The following RORB variants were observed in gnomAD, a reference collection of about 807,000 sequenced individuals.
RORB encodes the protein RAR related orphan receptor B, also known as nuclear receptor ROR-beta.
In RORB, 6 loss-of-function variants were observed where a neutral mutation model predicts 59.1. The ratio of observed to expected loss-of-function variants is 0.10; its 90% CI spans 0.06 to 0.20. The LOEUF (loss-of-function observed/expected upper bound fraction) is 0.20. Ranked by LOEUF, RORB falls within the 10% of genes least tolerant of loss-of-function variation. The pLI is 1.00. For missense variants in RORB, 320 were observed against 560.5 expected, an observed-to-expected ratio of 0.57 and a Z score of 4.33; for synonymous variants, 215 against 204.5, an observed-to-expected ratio of 1.05 and a Z score of -0.44.
chr9:74,615,307 G>T (rs62569143), intron 1 of RORB, among the ~76,000 whole-genome samples: 1 of 152,018 alleles, frequency 6.6e-6, no homozygotes, highest in Admixed American at 6.6e-5. Flanking sequence ...TAATTTGGGG[G>T]TGGGAACATC....
At chr9:74,647,134 G>C (rs925230787) in intron 4 of RORB, among the ~76,000 whole-genome samples, 2 of 152,196 alleles carry the variant, frequency 1.3e-5, no homozygotes, top group African/African-American at 4.8e-5. Context: ...ACTGGGTTTA[G>C]CTGGAATTTT....
At position 74,629,951 on chromosome 9, in the gene RORB, G is replaced by A. The variant is rs375170054; in HGVS notation, c.8-331G>A. 6.1e-3 allele frequency among the ~76,000 whole-genome samples: 933 copies of A among 152,290 alleles called. 14 individuals are homozygous for A. The highest frequency in any genetic ancestry group is 0.022 in the African/African-American group (896 of 41,556). ...AGTGCAAAATAAGAAAAGAAAAGCC[G>A]TGGGTTCAAAGGCTTTTTGAGTCCC... On this transcript the variant is annotated intron_variant, in intron 1 of 9. Coordinates refer to ENST00000376896, the MANE Select transcript of RORB (RefSeq NM_006914.4).
intron 1 of RORB, among the ~76,000 whole-genome samples, chr9:74,570,077 C>G (rs1446659668): frequency 1.3e-5 from 2 of 151,942 alleles, no homozygotes; most frequent in Admixed American, 6.6e-5. Context: ...AAAATTCTTC[C>G]TTCTTCAGAA....
In RORB at chr9:74,565,732, G is replaced by T. The variant is rs187933746; in HGVS notation, c.8-64550G>T. 1.1e-4 allele frequency among the ~76,000 whole-genome samples: 17 copies of T among 152,022 alleles called. 1 individual carries two copies. The East Asian group carries it at 3.3e-3, about 30-fold the overall frequency. On this transcript the variant is annotated intron_variant, in intron 1 of 9. Coordinates refer to ENST00000376896, the MANE Select transcript of RORB (RefSeq NM_006914.4). The stretch of plus-strand genomic sequence containing the variant: ...CATACATTTTTATTTAAGCTTTTCT[G>T]CTTGTGTGTTGGCAAAATAAATCTT...
chr9:74,554,064 G>A (rs1283994552), intron 1 of RORB, among the ~76,000 whole-genome samples: 1 of 152,190 alleles, frequency 6.6e-6, no homozygotes, highest in Non-Finnish European at 1.5e-5. Flanking sequence ...AGACCTTAGA[G>A]ATGGAGTCCA....
At chr9:74,621,601 C>T (rs1823421219) in intron 1 of RORB, among the ~76,000 whole-genome samples, 2 of 152,170 alleles carry the variant, frequency 1.3e-5, no homozygotes, top group Non-Finnish European at 2.9e-5. Flanking sequence ...ATGGTAAATA[C>T]CTAGGCACAC....
At chr9:74,503,356 G>A (rs559320901) in intron 1 of RORB, among the ~76,000 whole-genome samples, 1 of 152,066 alleles carries the variant, frequency 6.6e-6, no homozygotes, top group African/African-American at 2.4e-5. Flanking sequence ...ACACTGATAC[G>A]CAATATGTAT....
intron 1 of RORB, among the ~76,000 whole-genome samples, chr9:74,539,388 G>A (rs1826370361): frequency 1.3e-5 from 2 of 152,196 alleles, no homozygotes; most frequent in South Asian, 2.1e-4. Context: ...GTAAAAATGA[G>A]CGCACAGCTT....
chr9:74,615,550 C>A (rs763606065), intron 1 of RORB: 1 of 447,568 alleles, frequency 2.2e-6, no homozygotes, highest in South Asian at 1.6e-5. Context: ...CAGACCTCCC[C>A]AGTGAAAAGT....
At chr9:74,543,207 C>T (rs1826435699) in intron 1 of RORB, among the ~76,000 whole-genome samples, 1 of 152,106 alleles carries the variant, frequency 6.6e-6, no homozygotes. Flanking sequence ...TTGGTAGGAG[C>T]CAGCATGCTT....
chr9:74,654,141 C>CT (rs902354538), intron 4 of RORB, among the ~76,000 whole-genome samples: 3 of 151,962 alleles, frequency 2.0e-5, no homozygotes, highest in Non-Finnish European at 4.4e-5. Context: ...ATTCTTACAC[C>CT]TTTTTACATC....
intron 1 of RORB, among the ~76,000 whole-genome samples, chr9:74,613,231 C>CTTAA (rs1258165515): frequency 6.6e-6 from 1 of 152,162 alleles, no homozygotes; most frequent in Non-Finnish European, 1.5e-5. Flanking sequence ...CCTTTTATGA[C>CTTAA]TTAATGAGTG....
Position 74,625,031 on chromosome 9 carries a change from C to CA in RORB, c.8-5241dup, listed in dbSNP as rs879693228. Among the ~76,000 whole-genome samples, 290 of 141,036 alleles carry CA rather than the reference C, an allele frequency of 2.1e-3. 3 individuals carry two copies. Among genetic ancestry groups the CA allele is most frequent in the Non-Finnish European group, 2.9e-3 (189 of 64,348 alleles). The allele number at this position is 141,036 out of a possible 152,430, so 92.5% of individuals were successfully genotyped here. A position where few individuals can be genotyped will look rare whatever the true frequency, so the allele number is the denominator to read the frequency against. ...ATAGCCGGGTCAGATGTCCTTAAGGCAAAAAAAAAAGAAAGAGAGCAGAAA... is the reference window on the plus strand; with the variant it reads ...ATAGCCGGGTCAGATGTCCTTAAGGCAAAAAAAAAAAGAAAGAGAGCAGAAA... On this transcript the variant is annotated intron_variant, in intron 1 of 9. Coordinates refer to ENST00000376896, the MANE Select transcript of RORB (RefSeq NM_006914.4).
chr9:74,609,765 C>T (rs1823206387), intron 1 of RORB, among the ~76,000 whole-genome samples: 1 of 152,106 alleles, frequency 6.6e-6, no homozygotes, highest in Non-Finnish European at 1.5e-5. Flanking sequence ...CATAGTAAAG[C>T]CTGGGTTTGT....
intron 3 of RORB, among the ~76,000 whole-genome samples, chr9:74,637,847 A>T (rs1823731586): frequency 6.6e-6 from 1 of 152,222 alleles, no homozygotes; most frequent in South Asian, 2.1e-4. Flanking sequence ...TCAGTTCTTC[A>T]GTCACACTAG....
At chr9:74,618,660 T>A (rs890607129) in intron 1 of RORB, among the ~76,000 whole-genome samples, 1 of 152,182 alleles carries the variant, frequency 6.6e-6, no homozygotes, top group Non-Finnish European at 1.5e-5. Context: ...AGGAATGGTC[T>A]CTACTGCGTC....
chr9:74,676,309 A>G (rs1824440676), intron 9 of RORB, among the ~76,000 whole-genome samples: 1 of 151,950 alleles, frequency 6.6e-6, no homozygotes, highest in East Asian at 1.9e-4. Context: ...TAGATACAAC[A>G]CTCCTGGAGG....
chr9:74,602,476 T>G (rs569227227), intron 1 of RORB, among the ~76,000 whole-genome samples: 1 of 152,364 alleles, frequency 6.6e-6, no homozygotes, highest in African/African-American at 2.4e-5. Flanking sequence ...TGGATTTGTA[T>G]TTGAGAAATG....
intron 4 of RORB, among the ~76,000 whole-genome samples, chr9:74,649,581 G>C (rs2118481871): frequency 6.6e-6 from 1 of 152,160 alleles, no homozygotes; most frequent in African/African-American, 2.4e-5. Flanking sequence ...TATCTTTCTA[G>C]GTATCCTCTA....
Sources: gnomAD v4.1 joint callset for allele counts (sites outside exome capture counted in the v4.1 genomes callset) on GRCh38, gnomAD v4.1.1 for gene constraint, MANE v1.5 for transcripts, NCBI Gene and HGNC (gene_info 2026-07-23, HGNC 2026-07-21) for gene names.